INPP4B: variants seen among roughly 807,000 people sequenced by gnomAD.
The protein encoded by INPP4B is inositol polyphosphate-4-phosphatase type II B, also known as inositol polyphosphate 4-phosphatase type II.
In INPP4B, 55 loss-of-function variants were observed where a neutral mutation model predicts 122.5. The observed-to-expected ratio is 0.45, with a 90% CI of 0.36 to 0.56. INPP4B has a LOEUF of 0.56. Among genes scored for constraint, INPP4B ranks in the 20% least tolerant of loss-of-function variants. The pLI is 0.00. For synonymous variants in INPP4B, 403 were observed against 388.7 expected (o/e 1.04, Z -0.43); for missense variants, 1,000 against 1,097.7 (o/e 0.91, Z 1.26).
At chr4:142,097,227 T>TTATTTTATG (rs1396314621) in intron 23 of INPP4B, among the ~76,000 whole-genome samples, 5 of 135,128 alleles carry the variant, frequency 3.7e-5, no homozygotes, top group Non-Finnish European at 6.3e-5. Flanking sequence ...TTATGTTATT[T>TTATTTTATG]TTATTTTATT....
At chr4:142,461,655 G>T (rs1456118004) in intron 3 of INPP4B, among the ~76,000 whole-genome samples, 1 of 152,098 alleles carries the variant, frequency 6.6e-6, no homozygotes, top group Non-Finnish European at 1.5e-5. Flanking sequence ...CATAAAATAG[G>T]TCAAGCTCCC....
intron 7 of INPP4B, among the ~76,000 whole-genome samples, chr4:142,323,919 T>C (rs1347755773): frequency 6.6e-6 from 1 of 152,262 alleles, no homozygotes; most frequent in East Asian, 1.9e-4. Flanking sequence ...GAATTGTTGG[T>C]ACAATTCAGT....
chr4:142,062,606 C>T (rs767654545), intron 25 of INPP4B, among the ~76,000 whole-genome samples: 10 of 151,722 alleles, frequency 6.6e-5, no homozygotes, highest in South Asian at 2.1e-4. Context: ...CATGGCGGTG[C>T]GCACCTGTAG....
intron 8 of INPP4B, among the ~76,000 whole-genome samples, chr4:142,311,848 A>T (rs895747658): frequency 6.6e-6 from 1 of 152,150 alleles, no homozygotes; most frequent in East Asian, 1.9e-4. Context: ...CACTCAACCC[A>T]GAATGTGCTA....
At chr4:142,826,050 A>G (rs1298213649) in intron 1 of INPP4B, among the ~76,000 whole-genome samples, 5 of 152,086 alleles carry the variant, frequency 3.3e-5, no homozygotes, top group Non-Finnish European at 7.4e-5. Flanking sequence ...GTGTTGTCGC[A>G]TCGCCATTGA....
Position 142,781,993 on chromosome 4 carries a change from T to G in INPP4B, c.-253-56092A>C, listed in dbSNP as rs183286047. ...TTTTATTTTTTAATTTATTTTATTA[T>G]TATTATACTTTAAGTTTTAGGGTAC... On this transcript the variant is annotated intron_variant, in intron 1 of 25. Coordinates refer to ENST00000262992, the MANE Select transcript of INPP4B (RefSeq NM_001101669.3). 3.9e-3 allele frequency among the ~76,000 whole-genome samples: 593 copies of G among 152,060 alleles called. 2 individuals carry two copies. The highest frequency in any genetic ancestry group is 0.014 in the African/African-American group (570 of 41,528).
At chr4:142,211,428 C>A (rs1561495720) in intron 12 of INPP4B, among the ~76,000 whole-genome samples, 1 of 152,040 alleles carries the variant, frequency 6.6e-6, no homozygotes, top group Non-Finnish European at 1.5e-5. Flanking sequence ...GTCAAAAAAC[C>A]TCCTAGATTA....
intron 25 of INPP4B, 129 bp from the exon 26 acceptor site, chr4:142,029,043 T>C (rs878937667): frequency 1.2e-5 from 17 of 1,424,734 alleles, no homozygotes; most frequent in Admixed American, 9.1e-5. Context: ...ATTTTTTTTT[T>C]CCACAAGTGA....
intron 1 of INPP4B, among the ~76,000 whole-genome samples, chr4:142,825,268 C>T (rs1327332827): frequency 8.6e-5 from 13 of 152,044 alleles, no homozygotes; most frequent in Non-Finnish European, 1.5e-4. Context: ...TAACTTATCA[C>T]CATCTGGAAA....
intron 3 of INPP4B, among the ~76,000 whole-genome samples, chr4:142,453,287 C>T (rs1168957004): frequency 6.6e-6 from 1 of 152,072 alleles, no homozygotes; most frequent in Admixed American, 6.6e-5. Flanking sequence ...TGTGCTAAAG[C>T]AAAACTAAAA....
intron 16 of INPP4B, among the ~76,000 whole-genome samples, chr4:142,164,006 C>T (rs558269126): frequency 1.6e-4 from 25 of 151,702 alleles, no homozygotes; most frequent in Middle Eastern, 3.4e-3. Flanking sequence ...AAACTCTGAA[C>T]GTAAGGCAGA....
intron 25 of INPP4B, 109 bp downstream of exon 25, chr4:142,081,922 A>G (rs1029995218): frequency 2.8e-6 from 2 of 702,876 alleles, no homozygotes; most frequent in Non-Finnish European, 4.3e-6. Flanking sequence ...AAAATGCAGT[A>G]AAGTTCTAAA....
chr4:142,291,535 C>T (rs1174414918), intron 9 of INPP4B, among the ~76,000 whole-genome samples: 2 of 152,162 alleles, frequency 1.3e-5, no homozygotes, highest in East Asian at 1.9e-4. Flanking sequence ...GAAACTCTTT[C>T]CTAGAATGGG....
At chr4:142,668,995 G>T (rs904914954) in intron 2 of INPP4B, among the ~76,000 whole-genome samples, 2 of 152,114 alleles carry the variant, frequency 1.3e-5, no homozygotes, top group African/African-American at 2.4e-5. Context: ...GGTGGAGCTT[G>T]CAATGAGCGG....
intron 9 of INPP4B, among the ~76,000 whole-genome samples, chr4:142,279,041 T>C (rs1024097676): frequency 1.3e-5 from 2 of 151,938 alleles, no homozygotes; most frequent in Non-Finnish European, 2.9e-5. Context: ...ATTGAAATTT[T>C]AAAAATTCAG....
chr4:142,417,423 T>A (rs1199911312), intron 5 of INPP4B, among the ~76,000 whole-genome samples: 1 of 152,122 alleles, frequency 6.6e-6, no homozygotes. Context: ...AGTATCTTCA[T>A]CTGGGAATGG....
intron 25 of INPP4B, among the ~76,000 whole-genome samples, chr4:142,063,833 C>A (rs537528864): frequency 1.3e-5 from 2 of 152,164 alleles, no homozygotes; most frequent in African/African-American, 4.8e-5. Context: ...TATGAAAAAA[C>A]TAAATAAAGC....
At chr4:142,445,121 T>C (rs1010521715) in intron 3 of INPP4B, among the ~76,000 whole-genome samples, 11 of 152,076 alleles carry the variant, frequency 7.2e-5, no homozygotes, top group African/African-American at 2.2e-4. Context: ...CCATGGCACA[T>C]GTATACCTAT....
chr4:142,322,199 C>T (rs1313199122), intron 7 of INPP4B, among the ~76,000 whole-genome samples: 1 of 152,002 alleles, frequency 6.6e-6, no homozygotes, highest in East Asian at 1.9e-4. Flanking sequence ...TAATTTTAAT[C>T]TTGCATGGAG....
Sources: allele counts gnomAD v4.1 joint callset (sites outside exome capture counted in the v4.1 genomes callset), GRCh38; gene constraint gnomAD v4.1.1; transcripts MANE v1.5; gene names NCBI Gene and HGNC (gene_info 2026-07-23, HGNC 2026-07-21).